SLC16A4: variants seen among roughly 807,000 people sequenced by gnomAD.
SLC16A4 encodes solute carrier family 16 member 4, also known as probable monocarboxylate transporter 5.
Under a neutral mutation model 47.9 loss-of-function variants are expected in SLC16A4, and 39 were observed. The ratio of observed to expected loss-of-function variants is 0.81; its 90% confidence interval spans 0.63 to 1.06. The LOEUF is 1.06. Among genes scored for constraint, SLC16A4 ranks in the 50% least tolerant of loss-of-function variants. The pLI, the probability that SLC16A4 is intolerant of heterozygous loss-of-function variation, is 0.00. For synonymous variants in SLC16A4, 189 were observed against 199.9 expected (o/e 0.95, Z 0.46); for missense variants, 524 against 573.8 (o/e 0.91, Z 0.89).
At position 110,376,952 on chromosome 1, in the gene SLC16A4, G is replaced by C; in HGVS notation, c.1240C>G (p.Leu414Val). 2.5e-6 allele frequency: 4 copies of C among 1,612,462 alleles called. No individual in the cohort carries two copies. Among genetic ancestry groups the C allele is most frequent in the Non-Finnish European group, 3.4e-6 (4 of 1,178,696 alleles). The change falls in exon 7 of 9, where the codon CTG becomes GTG. Residue 414 changes from leucine to valine, a missense_variant and splice_region_variant. Physicochemically the swap from Leu to Val is conservative, Grantham distance 32. Coordinates refer to ENST00000369779, the MANE Select transcript of SLC16A4 (RefSeq NM_004696.3). ...GGYLALILPV[L>V]VDLCRNSTVN... ...TGTTAATGAGTGTGTCTACTCACCA[G>C]TACAGGCAGTATCAATGCCAGGTAA...
rs980094787 is a variant in SLC16A4, at chr1:110,389,213, A to AG, written c.87+23dup. 3.2e-6 allele frequency: 5 copies of AG among 1,581,918 alleles called. No individual in the cohort carries two copies. In the African/African-American group the frequency reaches 4.0e-5, roughly 13 times the overall value. On this transcript the variant is annotated intron_variant, in intron 2 of 8. Coordinates refer to ENST00000369779, the MANE Select transcript of SLC16A4 (RefSeq NM_004696.3). ...AAAGCCTGCTTTTAGGCAATAGGAA[A>AG]GGGGGAAAAAAGTGAATTCTTACCA...
chr1:110,383,805 GTTTTTTTTTTTTTTTT>G (rs71096348), intron 2 of SLC16A4, among the ~76,000 whole-genome samples: 6 of 65,742 alleles, frequency 9.1e-5, no homozygotes, highest in African/African-American at 2.7e-4. Flanking sequence ...TTAAAAGGAG[GTTTTTTTTTTTTTTTT>G]TTTTTTTTTT....
intron 7 of SLC16A4, 59 bp downstream of exon 7, chr1:110,376,891 G>A: frequency 7.3e-7 from 1 of 1,367,648 alleles, no homozygotes. Context: ...TGGGGAGATT[G>A]TTACTGATAC....
rs924250 is a variant in SLC16A4, at chr1:110,385,241, G to T, written c.88-2275C>A. ...CATCCAGGCTGTTCTTCCTACTGGG[G>T]CGTGACCTTGGGCAAACAACTTCGC... On this transcript the variant is annotated intron_variant, in intron 2 of 8. Coordinates refer to ENST00000369779, the MANE Select transcript of SLC16A4 (RefSeq NM_004696.3). Among the ~76,000 whole-genome samples, 1,692 of 152,240 alleles carry T rather than the reference G, an allele frequency of 0.011. 130 individuals are homozygous for T. In the East Asian group the frequency reaches 0.22, roughly 20 times the overall value.
chr1:110,380,911 A>G (rs1292495559), intron 5 of SLC16A4, 71 bp downstream of exon 5: 5 of 1,392,626 alleles, frequency 3.6e-6, no homozygotes, highest in East Asian at 2.3e-5. Flanking sequence ...CTTAACTTCC[A>G]TTTCTCAAAG....
At chr1:110,375,310 T>C in intron 8 of SLC16A4, 148 bp downstream of exon 8, 1 of 609,626 alleles carries the variant, frequency 1.6e-6, no homozygotes, top group Non-Finnish European at 3.0e-6. Flanking sequence ...TTTTCCTGCA[T>C]TGGTGGTGGA....
intron 8 of SLC16A4, among the ~76,000 whole-genome samples, chr1:110,365,186 T>A (rs1448829927): frequency 6.6e-6 from 1 of 152,060 alleles, no homozygotes; most frequent in Non-Finnish European, 1.5e-5. Context: ...GATATACCCC[T>A]GAACAAAATA....
In SLC16A4 at chr1:110,382,967, C is replaced by G. The variant is rs1182177356; in HGVS notation, c.88-1G>C. 1.9e-6 allele frequency: 3 copies of G among 1,603,488 alleles called. No homozygotes were observed. The highest frequency in any genetic ancestry group is 2.6e-6 in the Non-Finnish European group (3 of 1,173,170). ...TCATCCCCATCACAAACACATTCAC[C>G]TAAATCAAAGCAGACCAGAGTCCAA... On this transcript the variant is annotated splice_acceptor_variant, in intron 2 of 8. Coordinates refer to ENST00000369779, the MANE Select transcript of SLC16A4 (RefSeq NM_004696.3). LOFTEE classifies it high-confidence loss of function.
At chr1:110,366,660 A>G (rs1419728845) in intron 8 of SLC16A4, among the ~76,000 whole-genome samples, 3 of 152,190 alleles carry the variant, frequency 2.0e-5, no homozygotes, top group Admixed American at 6.5e-5. Flanking sequence ...CCTAGGAGCA[A>G]TAGGCTCTAC....
intron 8 of SLC16A4, among the ~76,000 whole-genome samples, chr1:110,374,202 G>A (rs780872555): frequency 2.1e-4 from 32 of 151,790 alleles, no homozygotes; most frequent in African/African-American, 6.0e-4. Context: ...CATTACACTC[G>A]GCTAATTTTT....
intron 6 of SLC16A4, among the ~76,000 whole-genome samples, chr1:110,378,208 A>G (rs1349821008): frequency 6.6e-6 from 1 of 152,208 alleles, no homozygotes; most frequent in Non-Finnish European, 1.5e-5. Flanking sequence ...TAAAAGTCAT[A>G]TTTATCTGTT....
chr1:110,373,016 GGTAGTC>G (rs2101007068), intron 8 of SLC16A4: 1 of 152,036 alleles, frequency 6.6e-6, no homozygotes. Flanking sequence ...TCTGCTCTGT[GGTAGTC>G]TATCTTTTTC....
intron 2 of SLC16A4, among the ~76,000 whole-genome samples, chr1:110,384,114 T>G (rs989124411): frequency 2.0e-5 from 3 of 152,192 alleles, no homozygotes; most frequent in African/African-American, 7.2e-5. Context: ...ACTCTAGACC[T>G]GGCACTCTTT....
rs753965071 is a variant in SLC16A4, at chr1:110,388,130, CA to C, written c.87+1106del. ...AGGGTGTTTTTTTTTGAGTGCATCT[CA>C]AAGTTAATAGAACTCTGGAAACACT... On this transcript the variant is annotated intron_variant, in intron 2 of 8. Coordinates refer to ENST00000369779, the MANE Select transcript of SLC16A4 (RefSeq NM_004696.3). 3.3e-5 allele frequency among the ~76,000 whole-genome samples: 5 copies of C among 152,034 alleles called. No homozygotes were observed. In the South Asian group the frequency reaches 6.2e-4, roughly 19 times the overall value.
intron 8 of SLC16A4, among the ~76,000 whole-genome samples, chr1:110,368,805 T>G (rs1661534155): frequency 6.6e-6 from 1 of 151,480 alleles, no homozygotes; most frequent in Non-Finnish European, 1.5e-5. Flanking sequence ...GAACTCATTT[T>G]TTAAGTGTTA....
At position 110,363,778 on chromosome 1, in the gene SLC16A4, G is replaced by A; in HGVS notation, c.1452C>T (p.Asn484=). ...FFVPLAERWK[N]SLT is the part of the protein sequence containing the mutation. ...AGTCTTCTTTCTTTCAGGTCAGACT[G>A]TTTTTCCATCTTTCGGCCAATGGTA... Residue 484 remains asparagine (N), a synonymous_variant, in exon 9 of 9, where the codon AAC becomes AAT. Transcript: ENST00000369779. The A allele has an allele frequency of 2.5e-6, 4 of 1,608,950 alleles. No individual in the cohort carries two copies. The highest frequency in any genetic ancestry group is 3.4e-6 in the Non-Finnish European group (4 of 1,178,240).
At position 110,383,083 on chromosome 1, in the gene SLC16A4, T is replaced by C. The variant is rs1354833668; in HGVS notation, c.88-117A>G. 6 of 909,434 alleles carry C rather than the reference T, an allele frequency of 6.6e-6. No individual in the cohort carries two copies. In the African/African-American group the frequency reaches 8.4e-5, roughly 13 times the overall value. The allele number at this position is 909,434 out of a possible 1,614,324, so 56.3% of individuals were successfully genotyped here. On this transcript the variant is annotated intron_variant, in intron 2 of 8. Transcript: ENST00000369779. ...TACTACTATTTACCAGTTTGCCTTA[T>C]TGGTTGAGCCTCATTATACATCTTA... is the stretch of plus-strand genomic sequence containing the variant.
At chr1:110,364,572 C>G (rs2100968853) in intron 8 of SLC16A4, among the ~76,000 whole-genome samples, 1 of 140,904 alleles carries the variant, frequency 7.1e-6, no homozygotes, top group Middle Eastern at 4.3e-3. Context: ...GTGGCACGAT[C>G]TCTGCTTTGC....
intron 8 of SLC16A4, among the ~76,000 whole-genome samples, chr1:110,367,451 TG>T (rs1661454199): frequency 6.6e-6 from 1 of 152,330 alleles, no homozygotes; most frequent in Admixed American, 6.5e-5. Context: ...AAGACCAGCC[TG>T]GGCAACACAG....
Sources: gnomAD v4.1 joint callset for allele counts (sites outside exome capture counted in the v4.1 genomes callset) on GRCh38, gnomAD v4.1.1 for gene constraint, MANE v1.5 for transcripts, NCBI Gene and HGNC (gene_info 2026-07-23, HGNC 2026-07-21) for gene names.